ITSN1: variants seen among roughly 807,000 people sequenced by gnomAD.
ITSN1 encodes intersectin 1.
Under a neutral mutation model 239.8 loss-of-function variants are expected in ITSN1, and 58 were observed. That is an observed-to-expected ratio of 0.24 (90% CI 0.20 to 0.30). ITSN1 has a LOEUF of 0.30. Among genes scored for constraint, ITSN1 ranks in the 10% least tolerant of loss-of-function variants. The probability of loss-of-function intolerance (pLI) is 1.00; values close to 1 mark genes in which losing one functional copy is unlikely to be tolerated. For missense variants in ITSN1, 1,558 were observed against 2,103.3 expected, an observed-to-expected ratio of 0.74 and a Z score of 5.07; for synonymous variants, 780 against 770.8, an observed-to-expected ratio of 1.01 and a Z score of -0.20.
chr21:33,876,829 G>A (rs376945729), intron 34 of ITSN1, among the ~76,000 whole-genome samples: 2 of 152,108 alleles, frequency 1.3e-5, no homozygotes, highest in African/African-American at 4.8e-5. Flanking sequence ...CTATGATCAC[G>A]CTACTATACT....
chr21:33,661,723 A>G (rs1304303778), intron 1 of ITSN1, among the ~76,000 whole-genome samples: 1 of 152,114 alleles, frequency 6.6e-6, no homozygotes, highest in Non-Finnish European at 1.5e-5. Context: ...GTTCCCCCAT[A>G]CTGTTCTTGT....
At position 33,763,607 on chromosome 21, in the gene ITSN1, G is replaced by A. The variant is rs1375661615; in HGVS notation, c.788+1621G>A. Among the ~76,000 whole-genome samples, 7 of 151,990 alleles carry A rather than the reference G, an allele frequency of 4.6e-5. No individual in the cohort carries two copies. In the East Asian group the frequency reaches 5.8e-4, roughly 13 times the overall value. ...AAAATCTTCCCTGGTTGAGAATTGCGGATCAGATTTGATTTTTTTTTTTGT... is the reference window on the plus strand; with the variant it reads ...AAAATCTTCCCTGGTTGAGAATTGCAGATCAGATTTGATTTTTTTTTTTGT... On this transcript the variant is annotated intron_variant, in intron 9 of 39. Transcript: ENST00000381318.
At chr21:33,791,849 A>G (rs528291047) in intron 16 of ITSN1, among the ~76,000 whole-genome samples, 2 of 152,310 alleles carry the variant, frequency 1.3e-5, no homozygotes, top group South Asian at 2.1e-4. Context: ...CCTGGATGAA[A>G]TAAGGACTTT....
chr21:33,773,862 T>G (rs758346819), intron 12 of ITSN1, among the ~76,000 whole-genome samples: 1 of 152,086 alleles, frequency 6.6e-6, no homozygotes, highest in Non-Finnish European at 1.5e-5. Flanking sequence ...GTATTTTTAG[T>G]AGAGACAGGG....
intron 14 of ITSN1, among the ~76,000 whole-genome samples, chr21:33,780,032 A>G (rs1327350627): frequency 2.0e-5 from 3 of 152,138 alleles, no homozygotes; most frequent in African/African-American, 7.2e-5. Flanking sequence ...GGGTTTCACC[A>G]TGTTGGCCAG....
At chr21:33,663,304 T>C (rs765520483) in intron 1 of ITSN1, among the ~76,000 whole-genome samples, 2 of 152,274 alleles carry the variant, frequency 1.3e-5, no homozygotes, top group African/African-American at 4.8e-5. Flanking sequence ...AGATTTCTTA[T>C]AAGATCTATT....
intron 31 of ITSN1, among the ~76,000 whole-genome samples, chr21:33,860,770 A>C (rs1437848064): frequency 6.6e-6 from 1 of 152,134 alleles, no homozygotes; most frequent in African/African-American, 2.4e-5. Flanking sequence ...CCGTGGAAAA[A>C]AACATGGGCC....
At position 33,750,285 on chromosome 21, in the gene ITSN1, C is replaced by T. The variant is rs761822099; in HGVS notation, c.489C>T (p.Pro163=). Residue 163 remains proline (P), a synonymous_variant, in exon 6 of 40, where the codon CCC becomes CCT. Transcript: ENST00000381318. The part of the protein sequence containing the change: ...AAVPPLANGA[P]PVIQPLPAFA... ...TGCCCCCCCTGGCTAACGGGGCTCCCCCTGTTATACAACCTCTGCCTGCAT... is the reference window on the plus strand; with the variant it reads ...TGCCCCCCCTGGCTAACGGGGCTCCTCCTGTTATACAACCTCTGCCTGCAT... 4 of 1,613,710 alleles carry T rather than the reference C, an allele frequency of 2.5e-6. No homozygotes were observed. The highest frequency in any genetic ancestry group is 3.3e-5 in the Admixed American group (2 of 60,024).
Position 33,819,388 on chromosome 21 carries a change from G to T in ITSN1, c.3016+65G>T, listed in dbSNP as rs1045944124. ...AGGACATTGTGTAAATGTTTGAAAT[G>T]AGATTGAATTTCATCTTAAGATAGA... On this transcript the variant is annotated intron_variant, in intron 24 of 39. Coordinates refer to ENST00000381318, the MANE Select transcript of ITSN1 (RefSeq NM_003024.3). The T allele has an allele frequency of 1.5e-5, 17 of 1,169,018 alleles. No individual in the cohort carries two copies. The Admixed American group carries it at 2.9e-4, about 20-fold the overall frequency. The allele number at this position is 1,169,018 out of a possible 1,614,324, so 72.4% of individuals were successfully genotyped here.
chr21:33,765,078 A>G (rs928993694), intron 9 of ITSN1, among the ~76,000 whole-genome samples: 1 of 152,232 alleles, frequency 6.6e-6, no homozygotes, highest in African/African-American at 2.4e-5. Flanking sequence ...ATGCCCATTC[A>G]TTTATATGTT....
intron 36 of ITSN1, among the ~76,000 whole-genome samples, chr21:33,884,571 A>AT (rs1985471001): frequency 6.6e-6 from 1 of 152,230 alleles, no homozygotes. Context: ...CTCAGAAAAA[A>AT]TGAAGGAGAA....
chr21:33,754,589 T>C (rs190955110), intron 7 of ITSN1, among the ~76,000 whole-genome samples: 5 of 152,308 alleles, frequency 3.3e-5, no homozygotes, highest in Admixed American at 6.5e-5. Context: ...GAGGAACTAA[T>C]CACTAAGGAA....
intron 1 of ITSN1, among the ~76,000 whole-genome samples, chr21:33,684,248 C>CA (rs1404178634): frequency 2.0e-5 from 3 of 152,160 alleles, no homozygotes; most frequent in Non-Finnish European, 1.5e-5. Context: ...AGGGTCAACT[C>CA]ACAGGTCAGA....
chr21:33,685,259 C>T (rs1229264798), intron 1 of ITSN1, among the ~76,000 whole-genome samples: 6 of 152,132 alleles, frequency 3.9e-5, no homozygotes, highest in South Asian at 2.1e-4. Flanking sequence ...TGGATATACT[C>T]GGCGTTCAGG....
At chr21:33,717,778 A>G (rs1009624692) in intron 1 of ITSN1, among the ~76,000 whole-genome samples, 18 of 151,998 alleles carry the variant, frequency 1.2e-4, no homozygotes, top group Non-Finnish European at 1.2e-4. Context: ...CGTGTTAGCT[A>G]GGATGGTCTC....
chr21:33,876,552 T>G (rs1983952486), intron 34 of ITSN1, among the ~76,000 whole-genome samples: 1 of 152,180 alleles, frequency 6.6e-6, no homozygotes, highest in Non-Finnish European at 1.5e-5. Context: ...TTCTTGTATC[T>G]TGTTTTTTGC....
chr21:33,736,419 T>C (rs535548185), intron 5 of ITSN1, among the ~76,000 whole-genome samples: 1 of 124,276 alleles, frequency 8.0e-6, no homozygotes, highest in Non-Finnish European at 1.6e-5. Context: ...CAAGGCTGGT[T>C]TTTGTAAGGG....
Position 33,797,421 on chromosome 21 carries a change from G to A in ITSN1, c.1995G>A (p.Gln665=). ...ACAAGCAGTGGCTGGAGCATGTGCA[G>A]CAGGAGGACGAGCATCAGAGACCAA... The part of the protein sequence containing the change: ...ERDKQWLEHV[Q]QEDEHQRPRK... Residue 665 remains glutamine, a synonymous_variant, in exon 18 of 40, where the codon CAG becomes CAA. Coordinates refer to ENST00000381318, the MANE Select transcript of ITSN1 (RefSeq NM_003024.3). This position sits in a 1 kb window ranked among gnomAD's most constrained non-coding sequence, Gnocchi z 4.9. 4 of 1,614,026 alleles carry A rather than the reference G, an allele frequency of 2.5e-6. No individual in the cohort carries two copies. Among genetic ancestry groups the A allele is most frequent in the Non-Finnish European group, 2.5e-6 (3 of 1,179,960 alleles).
chr21:33,829,157 T>A, intron 26 of ITSN1: 1 of 382,978 alleles, frequency 2.6e-6, no homozygotes, highest in Non-Finnish European at 5.0e-6. Context: ...AAAATGGGCT[T>A]CTCTTTCTAC....
Sources: gnomAD v4.1 joint callset for allele counts (sites outside exome capture counted in the v4.1 genomes callset) on GRCh38, gnomAD v4.1.1 for gene constraint, Gnocchi (gnomAD v3.1) non-coding constraint, MANE v1.5 for transcripts, NCBI Gene and HGNC (gene_info 2026-07-23, HGNC 2026-07-21) for gene names.